The following CRLF2 variants were observed in gnomAD, a reference collection of about 807,000 sequenced individuals.
The protein encoded by CRLF2 is cytokine receptor-like factor 2.
CRLF2 carries 41 observed loss-of-function variants against 38.7 expected under a neutral mutation model. The observed-to-expected ratio is 1.06, with a 90% CI of 0.83 to 1.37. The LOEUF is 1.37. CRLF2 is among the 40% of genes most tolerant of loss of function. The probability of loss-of-function intolerance (pLI) is 0.00; values close to 1 mark genes in which losing one functional copy is unlikely to be tolerated. For missense variants in CRLF2, 377 were observed against 322.2 expected (o/e 1.17, Z -1.30); for synonymous variants, 140 against 128.8 (o/e 1.09, Z -0.59).
chrX:1,192,768 C>CTTTCTTTT, intron 7 of CRLF2, among the ~76,000 whole-genome samples: 1 of 122,824 alleles, frequency 8.1e-6, no homozygotes, highest in Non-Finnish European at 1.6e-5. Flanking sequence ...TTCTTTCTTT[C>CTTTCTTTT]CTTCCTTCCT....
chrX:1,207,093 G>T (rs1225474230), intron 2 of CRLF2, among the ~76,000 whole-genome samples: 2 of 143,828 alleles, frequency 1.4e-5, no homozygotes, highest in Non-Finnish European at 3.0e-5. Context: ...TTACGGGCAC[G>T]CACCACCACC....
At chrX:1,209,194 C>G (rs2086745364) in intron 1 of CRLF2, among the ~76,000 whole-genome samples, 1 of 151,892 alleles carries the variant, frequency 6.6e-6, no homozygotes, top group Non-Finnish European at 1.5e-5. Flanking sequence ...GTCTCGATCT[C>G]CTGACCTCAT....
intron 7 of CRLF2, among the ~76,000 whole-genome samples, chrX:1,192,549 G>C (rs1273924037): frequency 2.6e-5 from 4 of 152,010 alleles, no homozygotes; most frequent in African/African-American, 9.7e-5. Context: ...CTGGGAGGTG[G>C]AGGTTGCAGT....
At position 1,198,582 on chromosome X, in the gene CRLF2, C is replaced by T; in HGVS notation, c.626G>A (p.Trp209Ter). ...ATTACCCCGAATCTCGCCTCTCTGC[C>T]AGCATGTCACCTCTGACCAGTCGCT... is the stretch of plus-strand genomic sequence containing the variant. ...YPSDWSEVTCWQRGEIRDACA... is the reference protein window; with the variant it reads ...YPSDWSEVTC The change falls in exon 5 of 8, where the codon TGG (tryptophan) becomes TAG (stop). Residue 209 changes from tryptophan (W) to a stop codon, truncating the protein, a stop_gained. Coordinates refer to ENST00000400841, the MANE Select transcript of CRLF2 (RefSeq NM_022148.4). LOFTEE classifies it high-confidence loss of function. 6.2e-7 allele frequency: 1 copy of T among 1,613,746 alleles called. No homozygotes were observed. The highest frequency in any genetic ancestry group is 8.5e-7 in the Non-Finnish European group (1 of 1,179,716).
chrX:1,206,963 T>TA (rs2086701512), intron 2 of CRLF2, among the ~76,000 whole-genome samples: 1 of 128,700 alleles, frequency 7.8e-6, no homozygotes, highest in African/African-American at 2.9e-5. Flanking sequence ...TTTTTTTTTT[T>TA]AAGATGGTGT....
chrX:1,200,237 TATAA>T (rs1402760143), intron 4 of CRLF2, among the ~76,000 whole-genome samples: 1 of 151,706 alleles, frequency 6.6e-6, no homozygotes, highest in African/African-American at 2.4e-5. Flanking sequence ...TATACGTGTG[TATAA>T]ATATGTGTAT....
chrX:1,192,189 A>G (rs2086394973), intron 7 of CRLF2, among the ~76,000 whole-genome samples: 1 of 130,490 alleles, frequency 7.7e-6, no homozygotes. Context: ...TGGGCGACAG[A>G]GCGAGACTCC....
Position 1,208,827 on chromosome X carries a change from G to T in CRLF2, c.161C>A (p.Thr54Asn), listed in dbSNP as rs781551365. ...TTACCTGTAGTGGAAAGTCAGGTTG[G>T]TCCTGGAGTATTTGCTGGCATTCCA... ...VTWNASKYSR[T>N]NLTFHYRFNG... Residue 54 changes from threonine to asparagine, a missense_variant, in exon 2 of 8, where the codon ACC (threonine) becomes AAC (asparagine). Coordinates refer to ENST00000400841, the MANE Select transcript of CRLF2 (RefSeq NM_022148.4). 6.2e-7 allele frequency: 1 copy of T among 1,610,570 alleles called. No homozygotes were observed. The highest frequency in any genetic ancestry group is 8.5e-7 in the Non-Finnish European group (1 of 1,176,848).
At chrX:1,197,877 C>G (rs1205730600) in intron 5 of CRLF2, among the ~76,000 whole-genome samples, 3 of 151,818 alleles carry the variant, frequency 2.0e-5, no homozygotes, top group Non-Finnish European at 4.4e-5. Context: ...GGCGTGTACA[C>G]TGTAATCCCA....
chrX:1,195,850 AT>A (rs1340152181), intron 6 of CRLF2, among the ~76,000 whole-genome samples: 69 of 139,690 alleles, frequency 4.9e-4, no homozygotes, highest in South Asian at 6.4e-4. Flanking sequence ...ATATTTATAT[AT>A]TTTTATATAG....
chrX:1,197,409 G>C (rs1225201944), intron 5 of CRLF2, among the ~76,000 whole-genome samples: 3 of 151,980 alleles, frequency 2.0e-5, no homozygotes, highest in African/African-American at 7.2e-5. Context: ...GGAAGTAAGG[G>C]CAGGTCCAAC....
chrX:1,197,668 G>C (rs1188759943), intron 5 of CRLF2, among the ~76,000 whole-genome samples: 1 of 151,938 alleles, frequency 6.6e-6, no homozygotes, highest in African/African-American at 2.4e-5. Context: ...ACAAACATTA[G>C]GCGGGCTTGG....
intron 4 of CRLF2, among the ~76,000 whole-genome samples, 197 bp downstream of exon 4, chrX:1,202,205 T>C (rs1279846086): frequency 6.6e-6 from 1 of 152,098 alleles, no homozygotes; most frequent in Non-Finnish European, 1.5e-5. Flanking sequence ...TCTCTTTCTC[T>C]GGAGACCCCT....
chrX:1,197,485 G>A (rs1403311572), intron 5 of CRLF2, among the ~76,000 whole-genome samples: 1 of 152,020 alleles, frequency 6.6e-6, no homozygotes, highest in African/African-American at 2.4e-5. Flanking sequence ...GCTTTCGTGT[G>A]TTGGTGGCTG....
intron 1 of CRLF2, among the ~76,000 whole-genome samples, chrX:1,210,547 T>G (rs1300092319): frequency 6.6e-6 from 1 of 152,082 alleles, no homozygotes; most frequent in African/African-American, 2.4e-5. Flanking sequence ...CCTGACCTTG[T>G]GATCCGCCCA....
At chrX:1,195,026 A>G (rs1268699008) in intron 6 of CRLF2, among the ~76,000 whole-genome samples, 1 of 142,644 alleles carries the variant, frequency 7.0e-6, no homozygotes, top group Non-Finnish European at 1.5e-5. Flanking sequence ...AGTGAGACTC[A>G]GTCTCAAAAT....
intron 4 of CRLF2, among the ~76,000 whole-genome samples, chrX:1,201,080 C>T (rs1219704088): frequency 1.3e-5 from 2 of 152,074 alleles, no homozygotes; most frequent in African/African-American, 4.8e-5. Flanking sequence ...GTACTGAATA[C>T]TGCAGACAAA....
intron 1 of CRLF2, among the ~76,000 whole-genome samples, chrX:1,210,193 T>G (rs1382370925): frequency 2.6e-5 from 4 of 152,028 alleles, no homozygotes; most frequent in Non-Finnish European, 5.9e-5. Flanking sequence ...CTAGGAAGGT[T>G]GCATAGACTT....
intron 6 of CRLF2, among the ~76,000 whole-genome samples, chrX:1,193,711 G>A (rs1324388361): frequency 1.3e-5 from 2 of 151,330 alleles, no homozygotes; most frequent in African/African-American, 4.9e-5. Flanking sequence ...GAACCCGGGA[G>A]GTGGAGGTTT....
Sources: allele counts gnomAD v4.1 joint callset (sites outside exome capture counted in the v4.1 genomes callset), GRCh38; gene constraint gnomAD v4.1.1; transcripts MANE v1.5; gene names NCBI Gene and HGNC (gene_info 2026-07-23, HGNC 2026-07-21).